The following MED4 variants were observed in gnomAD, a reference collection of about 807,000 sequenced individuals.
The protein encoded by MED4 is mediator complex subunit 4.
Under a neutral mutation model 35.0 loss-of-function variants are expected in MED4, and 21 were observed. The observed-to-expected ratio is 0.60, with a 90% CI of 0.43 to 0.86. The LOEUF is 0.86. Among genes scored for constraint, MED4 ranks in the 40% least tolerant of loss-of-function variants. The probability of loss-of-function intolerance (pLI) is 0.00; values close to 1 mark genes in which losing one functional copy is unlikely to be tolerated. For missense variants in MED4, 300 were observed against 319.4 expected, an observed-to-expected ratio of 0.94 and a Z score of 0.46; for synonymous variants, 138 against 114.0, an observed-to-expected ratio of 1.21 and a Z score of -1.34.
At chr13:48,086,491 C>T (rs201786526) in intron 2 of MED4, 39 bp from the exon 3 acceptor site, 128 of 1,561,826 alleles carry the variant, frequency 8.2e-5, no homozygotes, top group Non-Finnish European at 3.5e-6. Flanking sequence ...CAATAGACTA[C>T]TGAAAGGCTG....
chr13:48,094,763 C>T (rs1566122130), intron 1 of MED4, among the ~76,000 whole-genome samples, 191 bp downstream of exon 1: 1 of 152,154 alleles, frequency 6.6e-6, no homozygotes, highest in African/African-American at 2.4e-5. Flanking sequence ...AAAATTCCCT[C>T]TAACGGGAAA....
At chr13:48,080,087 T>C in intron 5 of MED4, 112 bp from the exon 6 acceptor site, 1 of 1,270,078 alleles carries the variant, frequency 7.9e-7, no homozygotes, top group South Asian at 1.3e-5. Flanking sequence ...CAGGCTACAT[T>C]TTCAATTTTG....
chr13:48,086,452 C>A lies in MED4; in HGVS notation c.193G>T (p.Val65Phe). 6.2e-7 allele frequency: 1 copy of A among 1,609,904 alleles called. No homozygotes were observed. Among genetic ancestry groups the A allele is most frequent in the Admixed American group, 1.7e-5 (1 of 59,522 alleles). ...KLLQAGEENQ[V>F]LELLIHRDGE... is the part of the protein sequence containing the mutation. ...TCTCGGTGAATTAACAACTCCAGGACCTGTCAGATAACAGTCAATTAAATC... is the reference window on the plus strand; with the variant it reads ...TCTCGGTGAATTAACAACTCCAGGAACTGTCAGATAACAGTCAATTAAATC... Residue 65 changes from valine to phenylalanine, a missense_variant and splice_region_variant, in exon 3 of 7, where the codon GTC (valine) becomes TTC (phenylalanine). Transcript: ENST00000258648.
At chr13:48,087,868 C>A (rs1212300382) in intron 2 of MED4, among the ~76,000 whole-genome samples, 1 of 151,352 alleles carries the variant, frequency 6.6e-6, no homozygotes, top group Non-Finnish European at 1.5e-5. Context: ...AAAAAAAATA[C>A]AGTGATTTCA....
At chr13:48,092,007 T>C (rs751130282) in intron 1 of MED4, among the ~76,000 whole-genome samples, 5 of 152,200 alleles carry the variant, frequency 3.3e-5, no homozygotes, top group Admixed American at 6.5e-5. Context: ...CCTGGCACAA[T>C]GGGGAGAGGA....
chr13:48,087,695 T>C (rs540015229), intron 2 of MED4, among the ~76,000 whole-genome samples: 1 of 151,556 alleles, frequency 6.6e-6, no homozygotes, highest in African/African-American at 2.4e-5. Context: ...ACTAAAAATA[T>C]AAAAATTAGC....
At chr13:48,091,649 T>G (rs1950890775) in intron 1 of MED4, among the ~76,000 whole-genome samples, 1 of 152,212 alleles carries the variant, frequency 6.6e-6, no homozygotes, top group Non-Finnish European at 1.5e-5. Context: ...ATCAAATATT[T>G]ATTGAGTGCC....
At chr13:48,083,234 C>T in intron 4 of MED4, 137 bp downstream of exon 4, 3 of 651,700 alleles carry the variant, frequency 4.6e-6, no homozygotes, top group African/African-American at 1.9e-5. Context: ...AATGCTAGAA[C>T]ACAACACACT....
At chr13:48,080,918 C>A (rs1239952685) in intron 5 of MED4, among the ~76,000 whole-genome samples, 2 of 152,122 alleles carry the variant, frequency 1.3e-5, no homozygotes, top group Admixed American at 1.3e-4. Context: ...TGAAAGCACA[C>A]TAAATAGCAG....
At position 48,076,411 on chromosome 13, in the gene MED4, A is replaced by G. The variant is rs1178729987; in HGVS notation, c.*728T>C. 2 of 152,162 alleles carry G rather than the reference A, an allele frequency of 1.3e-5. No homozygotes were observed. The highest frequency in any genetic ancestry group is 2.9e-5 in the Non-Finnish European group (2 of 68,004). The allele number at this position is 152,162 out of a possible 1,614,324, so 9.4% of individuals were successfully genotyped here. ...GACAAGGCTGTGGTAAATTTTTTCA[A>G]TTATTAAAAAAAATTATTTCTTCTA... On this transcript the variant is annotated 3_prime_UTR_variant, in exon 7 of 7. Transcript: ENST00000258648.
intron 1 of MED4, among the ~76,000 whole-genome samples, chr13:48,092,801 G>A (rs1950899502): frequency 6.6e-6 from 1 of 152,212 alleles, no homozygotes; most frequent in African/African-American, 2.4e-5. Flanking sequence ...GGTTTCAGGT[G>A]GGGCAGGAGT....
At chr13:48,084,665 A>C (rs1227427816) in intron 3 of MED4, among the ~76,000 whole-genome samples, 2 of 152,186 alleles carry the variant, frequency 1.3e-5, no homozygotes, top group African/African-American at 4.8e-5. Flanking sequence ...TACCTAAAAA[A>C]TTAATACACC....
chr13:48,077,936 G>A (rs776231267), intron 6 of MED4, among the ~76,000 whole-genome samples: 11 of 151,968 alleles, frequency 7.2e-5, no homozygotes, highest in Non-Finnish European at 1.3e-4. Flanking sequence ...ACATACTTAT[G>A]TATACTAGGT....
chr13:48,080,340 T>C (rs1363188052), intron 5 of MED4, among the ~76,000 whole-genome samples: 3 of 133,788 alleles, frequency 2.2e-5, no homozygotes, highest in Non-Finnish European at 4.6e-5. Context: ...GAGGTTGCAG[T>C]GAGCTGAGAT....
At chr13:48,094,838 TC>T in intron 1 of MED4, 115 bp downstream of exon 1, 3 of 1,452,138 alleles carry the variant, frequency 2.1e-6, no homozygotes, top group Non-Finnish European at 2.8e-6. Context: ...CACCCGAAAC[TC>T]CCGAGCTGGC....
chr13:48,088,340 T>C (rs1024491845), intron 2 of MED4, among the ~76,000 whole-genome samples: 1 of 152,222 alleles, frequency 6.6e-6, no homozygotes, highest in East Asian at 1.9e-4. Flanking sequence ...TGACATGAAG[T>C]TCTTCTCATT....
At chr13:48,078,509 G>C (rs2137826755) in intron 6 of MED4, among the ~76,000 whole-genome samples, 1 of 152,312 alleles carries the variant, frequency 6.6e-6, no homozygotes, top group South Asian at 2.1e-4. Context: ...CCAAAGGGCA[G>C]CTTCCCAGCA....
chr13:48,087,352 G>A (rs921659416), intron 2 of MED4, among the ~76,000 whole-genome samples: 11 of 151,672 alleles, frequency 7.3e-5, no homozygotes, highest in Non-Finnish European at 1.3e-4. Flanking sequence ...CAACAAGAGC[G>A]AAACTCCATC....
At chr13:48,092,735 G>A (rs1372850000) in intron 1 of MED4, among the ~76,000 whole-genome samples, 1 of 152,220 alleles carries the variant, frequency 6.6e-6, no homozygotes, top group African/African-American at 2.4e-5. Context: ...AAACTTTTTA[G>A]TGTACGCCAC....
Sources: allele counts gnomAD v4.1 joint callset (sites outside exome capture counted in the v4.1 genomes callset), GRCh38; gene constraint gnomAD v4.1.1; transcripts MANE v1.5; gene names NCBI Gene and HGNC (gene_info 2026-07-23, HGNC 2026-07-21).